The following UNC80 variants were observed in gnomAD, a reference collection of about 807,000 sequenced individuals.
UNC80 encodes protein unc-80 homolog.
In UNC80, 164 loss-of-function variants were observed where a neutral mutation model predicts 384.6. The observed-to-expected ratio is 0.43, with a 90% CI of 0.38 to 0.49. UNC80 has a LOEUF of 0.49. Among genes scored for constraint, UNC80 ranks in the 20% least tolerant of loss-of-function variants. The probability of loss-of-function intolerance (pLI) is 0.00; values close to 1 mark genes in which losing one functional copy is unlikely to be tolerated. For synonymous variants in UNC80, 1,486 were observed against 1,527.8 expected, an observed-to-expected ratio of 0.97 and a Z score of 0.64; for missense variants, 3,330 against 4,143.0, an observed-to-expected ratio of 0.80 and a Z score of 5.39.
rs151103102 is a variant in UNC80, at chr2:209,930,152, C to T, written c.5907+181C>T. Among the ~76,000 whole-genome samples the T allele has an allele frequency of 8.4e-4, 128 of 152,020 alleles. 4 individuals are homozygous for T. The East Asian group carries it at 0.024, about 28-fold the overall frequency. On this transcript the variant is annotated intron_variant, in intron 37 of 64. Coordinates refer to ENST00000673920, the MANE Select transcript of UNC80 (RefSeq NM_001371986.1). ...CTTAACTTTGCTGTTTTTAATTTCTCCATTAATTCATGTTTCTATATATAT... is the reference window on the plus strand; with the variant it reads ...CTTAACTTTGCTGTTTTTAATTTCTTCATTAATTCATGTTTCTATATATAT...
chr2:209,802,889 A>T (rs1219797546), intron 7 of UNC80, among the ~76,000 whole-genome samples: 1 of 152,126 alleles, frequency 6.6e-6, no homozygotes, highest in Non-Finnish European at 1.5e-5. Context: ...CAGTTCTAGG[A>T]CTAAGGTCCT....
intron 13 of UNC80, 107 bp downstream of exon 13, chr2:209,820,786 A>C (rs1274616967): frequency 1.6e-6 from 2 of 1,282,964 alleles, no homozygotes; most frequent in East Asian, 2.6e-5. Context: ...TAGTCACTAG[A>C]GCAAAAAAGT....
At chr2:209,809,536 C>A in intron 7 of UNC80, 1 of 1,012,916 alleles carries the variant, frequency 9.9e-7, no homozygotes, top group Non-Finnish European at 1.6e-6. Context: ...AATGGCCCTG[C>A]TCCACAAGCA....
At chr2:209,974,082 G>T (rs2092949893) in intron 56 of UNC80, among the ~76,000 whole-genome samples, 1 of 152,190 alleles carries the variant, frequency 6.6e-6, no homozygotes, top group South Asian at 2.1e-4. Context: ...AAGTGGCACT[G>T]GCAGTGGGGA....
intron 33 of UNC80, 79 bp from the exon 34 acceptor site, chr2:209,921,421 C>A: frequency 1.5e-6 from 2 of 1,329,344 alleles, no homozygotes; most frequent in Non-Finnish European, 2.0e-6. Flanking sequence ...ACGTTTGTGT[C>A]ATTCATTGGA....
At chr2:209,972,706 C>T (rs2092914611) in intron 55 of UNC80, among the ~76,000 whole-genome samples, 1 of 152,174 alleles carries the variant, frequency 6.6e-6, no homozygotes. Context: ...TCATTAAATT[C>T]CAATGTATTT....
chr2:209,834,034 G>A lies in UNC80; in HGVS notation c.2808G>A (p.Gln936=). ...GLYCDIRQLV[Q]FIKEAHGNVF... ...ATTGTGACATTCGTCAGCTGGTCCA[G>A]TTTATCAAAGAGGCTCATGGGAATG... Residue 936 remains glutamine (Q), a synonymous_variant, in exon 17 of 65, where the codon CAG becomes CAA. Transcript: ENST00000673920. 1 of 1,551,734 alleles carries A rather than the reference G, an allele frequency of 6.4e-7. No homozygotes were observed. Among genetic ancestry groups the A allele is most frequent in the Non-Finnish European group, 8.7e-7 (1 of 1,146,978 alleles).
At chr2:209,949,470 CG>C (rs2092058189) in intron 47 of UNC80, among the ~76,000 whole-genome samples, 2 of 151,816 alleles carry the variant, frequency 1.3e-5, no homozygotes, top group South Asian at 4.2e-4. Flanking sequence ...ACCCACCCCC[CG>C]CTTTTTAATT....
chr2:209,825,957 C>A lies in UNC80; in HGVS notation c.2382C>A (p.Ile794=). 6.4e-7 allele frequency: 1 copy of A among 1,550,892 alleles called. No individual in the cohort carries two copies. Among genetic ancestry groups the A allele is most frequent in the Non-Finnish European group, 8.7e-7 (1 of 1,146,514 alleles). The change falls in exon 14 of 65, where the codon ATC becomes ATA. Residue 794 remains isoleucine (I), a synonymous_variant. Coordinates refer to ENST00000673920, the MANE Select transcript of UNC80 (RefSeq NM_001371986.1). ...SNHRLALTML[I]KIVKSLGCAY... is the part of the protein sequence containing the mutation. Reference sequence around the variant, plus strand: ...ATAGGCTTGCTCTAACAATGCTCATCAAAATAGTGAAGTCTTTGGGATGTG... The same window carrying A: ...ATAGGCTTGCTCTAACAATGCTCATAAAAATAGTGAAGTCTTTGGGATGTG...
At chr2:209,814,196 T>C (rs1177394073) in intron 8 of UNC80, among the ~76,000 whole-genome samples, 1 of 152,146 alleles carries the variant, frequency 6.6e-6, no homozygotes, top group Non-Finnish European at 1.5e-5. Context: ...AGGATTTTAC[T>C]AAACGTGATG....
intron 22 of UNC80, among the ~76,000 whole-genome samples, chr2:209,860,681 G>C (rs900555060): frequency 1.5e-4 from 23 of 152,200 alleles, no homozygotes; most frequent in African/African-American, 4.8e-4. Flanking sequence ...TATCCATGAG[G>C]ATAGAATGTT....
intron 29 of UNC80, among the ~76,000 whole-genome samples, chr2:209,905,452 G>A (rs1257235830): frequency 2.0e-5 from 3 of 152,102 alleles, no homozygotes; most frequent in African/African-American, 7.2e-5. Context: ...AAAAGCAGAG[G>A]TCAGTATGAT....
chr2:209,916,383 A>T (rs560233786), intron 31 of UNC80, among the ~76,000 whole-genome samples: 1 of 152,346 alleles, frequency 6.6e-6, no homozygotes, highest in Admixed American at 6.5e-5. Context: ...AAGGTATTAA[A>T]AACTGAAAGG....
chr2:209,931,174 A>C (rs1258637129), intron 38 of UNC80, 120 bp downstream of exon 38: 2 of 688,508 alleles, frequency 2.9e-6, no homozygotes, highest in East Asian at 5.6e-5. Flanking sequence ...GGTCAACTAA[A>C]TTCTGTGTAG....
Position 209,896,317 on chromosome 2 carries a change from G to T in UNC80, c.4485G>T (p.Gly1495=). The change falls in exon 28 of 65, where the codon GGG becomes GGT. Residue 1495 remains glycine (G), a synonymous_variant. Coordinates refer to ENST00000673920, the MANE Select transcript of UNC80 (RefSeq NM_001371986.1). Reference sequence around the variant, plus strand: ...CTTGGTATTTTTCTTTTGAAGAAGGGAGTCCTTGGAGTGCAAGCGAGCCCA... The same window carrying T: ...CTTGGTATTTTTCTTTTGAAGAAGGTAGTCCTTGGAGTGCAAGCGAGCCCA... ...QSRDTVTDLE[G]SPWSASEPSI... The T allele has an allele frequency of 6.4e-7, 1 of 1,551,650 alleles. No homozygotes were observed. The highest frequency in any genetic ancestry group is 8.7e-7 in the Non-Finnish European group (1 of 1,146,918).
At chr2:209,963,778 G>A (rs1179930475) in intron 51 of UNC80, among the ~76,000 whole-genome samples, 1 of 152,172 alleles carries the variant, frequency 6.6e-6, no homozygotes, top group East Asian at 1.9e-4. Context: ...TTGGAGAGAA[G>A]ACAATGGGAA....
intron 7 of UNC80, among the ~76,000 whole-genome samples, chr2:209,798,811 G>GGGACT (rs1327489106): frequency 6.7e-6 from 1 of 149,208 alleles, no homozygotes; most frequent in East Asian, 1.9e-4. Flanking sequence ...CCGAGTAGCT[G>GGGACT]GGACTACAGG....
Position 209,970,973 on chromosome 2 carries a change from C to T in UNC80, c.8256+16C>T, listed in dbSNP as rs1355040206. The T allele has an allele frequency of 6.5e-7, 1 of 1,547,062 alleles. No individual in the cohort carries two copies. Among genetic ancestry groups the T allele is most frequent in the Admixed American group, 2.0e-5 (1 of 49,930 alleles). On this transcript the variant is annotated intron_variant, in intron 54 of 64. Coordinates refer to ENST00000673920, the MANE Select transcript of UNC80 (RefSeq NM_001371986.1). ...GCAGATACAGGTGTGACTGCCTTACCTGTTTGTCACGCTCATTAAGTTGCT... is the reference window on the plus strand; with the variant it reads ...GCAGATACAGGTGTGACTGCCTTACTTGTTTGTCACGCTCATTAAGTTGCT...
chr2:209,798,863 C>A (rs953361095), intron 7 of UNC80, among the ~76,000 whole-genome samples: 4 of 79,354 alleles, frequency 5.0e-5, no homozygotes, highest in Non-Finnish European at 1.1e-4. Context: ...TTTTTTTTTT[C>A]TTAGTAGAGA....
Sources: gnomAD v4.1 joint callset for allele counts (sites outside exome capture counted in the v4.1 genomes callset) on GRCh38, gnomAD v4.1.1 for gene constraint, MANE v1.5 for transcripts, NCBI Gene and HGNC (gene_info 2026-07-23, HGNC 2026-07-21) for gene names.